AAK1: variants seen among roughly 807,000 people sequenced by gnomAD.
The protein encoded by AAK1 is AP2 associated kinase 1.
A neutral mutation model predicts 116.0 loss-of-function variants in AAK1; 37 were observed. The observed-to-expected ratio is 0.32, with a 90% CI of 0.25 to 0.42. The LOEUF (loss-of-function observed/expected upper bound fraction) is 0.42, where lower values mean the gene tolerates loss of function less well. Ranked by LOEUF, AAK1 falls within the 10% of genes least tolerant of loss-of-function variation. AAK1 has a pLI of 1.00. For synonymous variants in AAK1, 458 were observed against 439.9 expected, an observed-to-expected ratio of 1.04 and a Z score of -0.51; for missense variants, 919 against 1,170.6, an observed-to-expected ratio of 0.79 and a Z score of 3.14.
chr2:69,524,616 G>C (rs1669939840), intron 10 of AAK1, among the ~76,000 whole-genome samples: 1 of 6,568 alleles, frequency 1.5e-4, no homozygotes. Flanking sequence ...TGTATTTTTA[G>C]TAGATGGGAT....
Position 69,475,898 on chromosome 2 carries a change from G to C in AAK1, c.2857C>G (p.Leu953Val). 6.2e-7 allele frequency: 1 copy of C among 1,612,368 alleles called. No homozygotes were observed. The highest frequency in any genetic ancestry group is 8.5e-7 in the Non-Finnish European group (1 of 1,179,316). The change falls in exon 22 of 22, where the codon CTG (leucine) becomes GTG (valine). Residue 953 changes from leucine to valine, a missense_variant. Coordinates refer to ENST00000409085, the MANE Select transcript of AAK1 (RefSeq NM_014911.5). ...SSLPNLARSLLLVDQLIDL is the reference protein window; with the variant it reads ...SSLPNLARSLVLVDQLIDL ...AGGTCTATGAGCTGATCCACCAGCAGTAAAGACCTGGCTAGGTTGGGAAGA... is the reference window on the plus strand; with the variant it reads ...AGGTCTATGAGCTGATCCACCAGCACTAAAGACCTGGCTAGGTTGGGAAGA...
Position 69,518,986 on chromosome 2 carries a change from A to C in AAK1, c.1465T>G (p.Phe489Val), listed in dbSNP as rs1483772777. The C allele has an allele frequency of 6.5e-7, 1 of 1,549,514 alleles. No individual in the cohort carries two copies. The highest frequency in any genetic ancestry group is 8.7e-7 in the Non-Finnish European group (1 of 1,146,694). Residue 489 changes from phenylalanine (F) to valine (V), a missense_variant, in exon 12 of 22, where the codon TTT (phenylalanine) becomes GTT (valine). Physicochemically the swap from Phe to Val is conservative, Grantham distance 50 (BLOSUM62 -1). Coordinates refer to ENST00000409085, the MANE Select transcript of AAK1 (RefSeq NM_014911.5). Reference sequence around the variant, plus strand: ...GTCTGGGCCTGCTGCTGCTGGTAAAACGTGCCTGCCGGCTGCTGCTGTGCT... The same window carrying C: ...GTCTGGGCCTGCTGCTGCTGGTAAACCGTGCCTGCCGGCTGCTGCTGTGCT... ...PPAQQQPAGT[F>V]YQQQQAQTQQ...
intron 6 of AAK1, 111 bp from the exon 7 acceptor site, chr2:69,530,817 T>G (rs977300381): frequency 2.7e-6 from 2 of 748,284 alleles, no homozygotes; most frequent in Non-Finnish European, 4.4e-6. Flanking sequence ...CTGGGAGCAA[T>G]CTGCAGAAGA....
In AAK1 at chr2:69,474,203, G is replaced by A. The variant is rs895251894; in HGVS notation, c.*1666C>T. ...GTTAAACTTTTTTCCCCCATAAAGT[G>A]CAAATGTGAGGAAGAAGAAACAAAA... On this transcript the variant is annotated 3_prime_UTR_variant, in exon 22 of 22. Coordinates refer to ENST00000409085, the MANE Select transcript of AAK1 (RefSeq NM_014911.5). The A allele has an allele frequency of 1.3e-5, 13 of 985,688 alleles. No individual in the cohort carries two copies. In the African/African-American group the frequency reaches 1.6e-4, roughly 12 times the overall value. 61.1% of individuals were successfully genotyped at this position (985,688 alleles called of 1,614,324 possible). A position where few individuals can be genotyped will look rare whatever the true frequency, so the allele number is the denominator to read the frequency against.
chr2:69,540,414 C>T (rs1670659672), intron 5 of AAK1, among the ~76,000 whole-genome samples: 1 of 152,194 alleles, frequency 6.6e-6, no homozygotes, highest in African/African-American at 2.4e-5. Flanking sequence ...AGCCACCACG[C>T]CCGGCCACAT....
chr2:69,477,000 G>A lies in AAK1; in HGVS notation c.2681-10C>T, dbSNP rs376351336. 9.2e-5 allele frequency: 146 copies of A among 1,582,414 alleles called. No individual in the cohort carries two copies. The African/African-American group carries it at 1.7e-3, about 18-fold the overall frequency. On this transcript the variant is annotated splice_polypyrimidine_tract_variant and intron_variant, in intron 20 of 21. Coordinates refer to ENST00000409085, the MANE Select transcript of AAK1 (RefSeq NM_014911.5). The stretch of plus-strand genomic sequence containing the variant: ...TTACTATCTTCTGCAGCTTAATACA[G>A]AATGCAAGTACACAAGCAGAAACAA...
At chr2:69,482,941 G>T in intron 17 of AAK1, 129 bp from the exon 18 acceptor site, 1 of 623,226 alleles carries the variant, frequency 1.6e-6, no homozygotes, top group Admixed American at 2.9e-5. Flanking sequence ...CCATAAAAAT[G>T]AATGCTATTA....
At chr2:69,500,698 T>TATATATGTATATATATAC in intron 16 of AAK1, among the ~76,000 whole-genome samples, 3 of 65,102 alleles carry the variant, frequency 4.6e-5, no homozygotes, top group African/African-American at 2.4e-4. Flanking sequence ...TATATATATA[T>TATATATGTATATATATAC]ACACACACAC....
chr2:69,591,307 G>A (rs1673014333), intron 2 of AAK1, among the ~76,000 whole-genome samples: 1 of 152,058 alleles, frequency 6.6e-6, no homozygotes, highest in Non-Finnish European at 1.5e-5. Flanking sequence ...AACCAGTAAG[G>A]TCTACTGACC....
At chr2:69,603,375 GGAGA>G (rs145060763) in intron 2 of AAK1, among the ~76,000 whole-genome samples, 1 of 151,600 alleles carries the variant, frequency 6.6e-6, no homozygotes, top group Non-Finnish European at 1.5e-5. Flanking sequence ...AAGAAACAGA[GGAGA>G]GAGAGAGAGA....
intron 3 of AAK1, 23 bp downstream of exon 3, chr2:69,556,837 C>T (rs1671405918): frequency 6.3e-7 from 1 of 1,576,700 alleles, no homozygotes; most frequent in Admixed American, 1.7e-5. Context: ...TTAAACAGTC[C>T]CAAGTCCAAG....
At chr2:69,619,272 G>A (rs907912564) in intron 2 of AAK1, among the ~76,000 whole-genome samples, 40 of 152,242 alleles carry the variant, frequency 2.6e-4, no homozygotes, top group African/African-American at 7.9e-4. Context: ...ATCCTCGGCA[G>A]ACAACCTTGC....
chr2:69,604,788 C>T (rs576567815), intron 2 of AAK1, among the ~76,000 whole-genome samples: 1 of 152,160 alleles, frequency 6.6e-6, no homozygotes, highest in South Asian at 2.1e-4. Flanking sequence ...CACACCCCAA[C>T]TGCACCCCAG....
chr2:69,472,135 A>G lies in AAK1; in HGVS notation c.*3734T>C. On this transcript the variant is annotated 3_prime_UTR_variant, in exon 22 of 22. Transcript: ENST00000409085. ...CAGAAGTTTCCTTATTCAGAAAATT[A>G]CAGAAATTAAGTCTTAATCATGTTC... The G allele has an allele frequency of 1.0e-6, 1 of 984,224 alleles. No individual in the cohort carries two copies. Among genetic ancestry groups the G allele is most frequent in the Non-Finnish European group, 1.2e-6 (1 of 828,776 alleles). 61.0% of individuals were successfully genotyped at this position (984,224 alleles called of 1,614,324 possible).
intron 2 of AAK1, among the ~76,000 whole-genome samples, chr2:69,626,697 G>C (rs976175781): frequency 3.6e-5 from 4 of 111,398 alleles, no homozygotes; most frequent in Non-Finnish European, 6.9e-5. Context: ...ACAGGGTTTT[G>C]CCATGTTGCC....
intron 9 of AAK1, among the ~76,000 whole-genome samples, chr2:69,525,548 G>A (rs1257873654): frequency 6.6e-6 from 1 of 152,150 alleles, no homozygotes; most frequent in Non-Finnish European, 1.5e-5. Flanking sequence ...TCAAACCAGG[G>A]TGCACTGAGT....
chr2:69,529,094 T>C (rs1276095846), intron 8 of AAK1, among the ~76,000 whole-genome samples: 5 of 152,248 alleles, frequency 3.3e-5, no homozygotes, highest in African/African-American at 1.2e-4. Context: ...ATAAGTTACC[T>C]ACATTTTCTC....
chr2:69,643,719 C>T lies in AAK1; in HGVS notation c.-379G>A, dbSNP rs777154913. On this transcript the variant is annotated 5_prime_UTR_variant, in exon 1 of 22. Coordinates refer to ENST00000409085, the MANE Select transcript of AAK1 (RefSeq NM_014911.5). ...CTCCCGCCCGCCCGCCAGCTGATCC[C>T]GGGAGCGCCGGGCGGAGACTGACCC... 4,169 of 1,212,428 alleles carry T rather than the reference C, an allele frequency of 3.4e-3. 5 individuals are homozygous for T. The highest frequency in any genetic ancestry group is 3.9e-3 in the Non-Finnish European group (3,783 of 975,702). The allele number at this position is 1,212,428 out of a possible 1,614,324, so 75.1% of individuals were successfully genotyped here. A position where few individuals can be genotyped will look rare whatever the true frequency, so the allele number is the denominator to read the frequency against.
chr2:69,590,594 C>T (rs1394399486), intron 2 of AAK1, among the ~76,000 whole-genome samples: 1 of 152,188 alleles, frequency 6.6e-6, no homozygotes, highest in African/African-American at 2.4e-5. Flanking sequence ...TAACTGGCAA[C>T]GCTAAGATTC....
Sources: gnomAD v4.1 joint callset for allele counts (sites outside exome capture counted in the v4.1 genomes callset) on GRCh38, gnomAD v4.1.1 for gene constraint, MANE v1.5 for transcripts, NCBI Gene and HGNC (gene_info 2026-07-23, HGNC 2026-07-21) for gene names.